Variants in RUVBL1 observed in about 807,000 individuals in gnomAD.
RUVBL1 encodes the protein ruvB-like 1.
RUVBL1 carries 4 observed loss-of-function variants against 52.4 expected under a neutral mutation model. That is an observed-to-expected ratio of 0.08 (90% confidence interval 0.04 to 0.17). The LOEUF is 0.17. Ranked by LOEUF, RUVBL1 falls within the 10% of genes least tolerant of loss-of-function variation. The pLI is 1.00. For missense variants in RUVBL1, 298 were observed against 572.8 expected (o/e 0.52, Z 4.90); for synonymous variants, 217 against 214.4 (o/e 1.01, Z -0.10).
intron 1 of RUVBL1, among the ~76,000 whole-genome samples, chr3:128,135,540 GTAAA>G (rs1051600796): frequency 1.3e-5 from 2 of 152,042 alleles, no homozygotes; most frequent in Non-Finnish European, 2.9e-5. Context: ...CTCAAAATAA[GTAAA>G]TAAATAAATA....
intron 9 of RUVBL1, chr3:128,083,379 A>G (rs1219659551): frequency 2.0e-5 from 3 of 152,390 alleles, no homozygotes; most frequent in South Asian, 4.1e-4. Flanking sequence ...TAAAGCCATA[A>G]AAGCACACCC....
intron 3 of RUVBL1, among the ~76,000 whole-genome samples, chr3:128,105,865 C>CTTTTTTTTTTTTTTT (rs11311563): frequency 1.1e-5 from 1 of 88,912 alleles, no homozygotes; most frequent in Non-Finnish European, 2.2e-5. Context: ...TTCCCTTTTT[C>CTTTTTTTTTTTTTTT]TTTTTTTTTT....
intron 1 of RUVBL1, among the ~76,000 whole-genome samples, chr3:128,136,109 C>T (rs766917314): frequency 2.0e-5 from 3 of 149,710 alleles, no homozygotes; most frequent in Non-Finnish European, 4.4e-5. Flanking sequence ...AAACCTACAA[C>T]GCATGCACAA....
chr3:128,071,301 G>A (rs1319305085), intron 9 of RUVBL1: 1 of 152,506 alleles, frequency 6.6e-6, no homozygotes, highest in East Asian at 1.9e-4. Context: ...GTCCTGAGCA[G>A]GGGAGAGGCT....
At chr3:128,117,354 T>C (rs1943550380) in intron 2 of RUVBL1, among the ~76,000 whole-genome samples, 1 of 152,224 alleles carries the variant, frequency 6.6e-6, no homozygotes, top group Admixed American at 6.5e-5. Flanking sequence ...AGATAATTCC[T>C]TATTATGGAA....
chr3:128,130,366 T>G (rs1456567392), intron 1 of RUVBL1, among the ~76,000 whole-genome samples: 2 of 151,948 alleles, frequency 1.3e-5, no homozygotes, highest in African/African-American at 2.4e-5. Flanking sequence ...AAATCTTAAC[T>G]GTAATCAAGT....
At chr3:128,150,918 T>TA (rs1302526634) in intron 1 of RUVBL1, among the ~76,000 whole-genome samples, 5 of 83,412 alleles carry the variant, frequency 6.0e-5, no homozygotes, top group African/African-American at 2.4e-4. Flanking sequence ...ATATTCTATA[T>TA]TATATATATA....
chr3:128,144,018 G>A (rs1460492431), intron 1 of RUVBL1, among the ~76,000 whole-genome samples: 3 of 152,318 alleles, frequency 2.0e-5, no homozygotes, highest in Admixed American at 6.5e-5. Context: ...TTGAACCCGC[G>A]TGGAGGAGTT....
At chr3:128,153,123 G>C (rs903127346) in intron 1 of RUVBL1, 9 of 696,512 alleles carry the variant, frequency 1.3e-5, no homozygotes, top group Non-Finnish European at 1.5e-5. Flanking sequence ...GCACTGATTG[G>C]TGCGTTTTAC....
intron 1 of RUVBL1, among the ~76,000 whole-genome samples, chr3:128,151,121 T>C (rs1219991454): frequency 8.1e-6 from 1 of 123,186 alleles, no homozygotes; most frequent in East Asian, 2.1e-4. Context: ...GTATATATTC[T>C]ATATATATTC....
intron 2 of RUVBL1, among the ~76,000 whole-genome samples, chr3:128,113,406 C>A (rs1275984289): frequency 2.0e-5 from 3 of 152,288 alleles, no homozygotes; most frequent in South Asian, 4.1e-4. Context: ...CAGATTTAAT[C>A]TCTGGCAGCA....
At chr3:128,071,657 C>CAAAT (rs1264010064) in intron 9 of RUVBL1, 1 of 152,688 alleles carries the variant, frequency 6.5e-6, no homozygotes, top group Non-Finnish European at 1.5e-5. Flanking sequence ...GAATAAGTGA[C>CAAAT]AAATAAAGCC....
chr3:128,139,431 T>C (rs577346249), intron 1 of RUVBL1, among the ~76,000 whole-genome samples: 21 of 152,238 alleles, frequency 1.4e-4, no homozygotes, highest in African/African-American at 4.8e-4. Context: ...AAATGGCAAG[T>C]AGGCATATGA....
chr3:128,134,745 G>C (rs972166361), intron 1 of RUVBL1, among the ~76,000 whole-genome samples: 24 of 148,844 alleles, frequency 1.6e-4, no homozygotes, highest in Non-Finnish European at 2.8e-4. Flanking sequence ...AGGCAGCAGT[G>C]AGCTGTGATT....
chr3:128,113,051 A>ATGT, intron 2 of RUVBL1, 31 bp from the exon 3 acceptor site: 3 of 1,610,440 alleles, frequency 1.9e-6, no homozygotes, highest in Non-Finnish European at 2.5e-6. Context: ...AACACAGTTC[A>ATGT]CAGTCCTGAA....
At chr3:128,069,819 A>G (rs1010074310) in intron 9 of RUVBL1, 12 of 725,236 alleles carry the variant, frequency 1.7e-5, no homozygotes, top group Non-Finnish European at 2.6e-5. Context: ...ACATTTTCCA[A>G]TTTAAAATTT....
At chr3:128,079,578 A>T (rs1474420621), downstream of RUVBL1, among the ~76,000 whole-genome samples, 3 of 152,182 alleles carry the variant, frequency 2.0e-5, no homozygotes, top group Admixed American at 2.0e-4. Context: ...AGACAAGCGC[A>T]GCCTCAGAGG....
chr3:128,071,233 G>C (rs1253183853), intron 9 of RUVBL1: 1 of 152,928 alleles, frequency 6.5e-6, no homozygotes, highest in Non-Finnish European at 1.5e-5. Flanking sequence ...TGGGCCCCAG[G>C]CTCCTCCATA....
At chr3:128,074,982 ACTGG>A (rs1445688514) in intron 9 of RUVBL1, 2 of 152,128 alleles carry the variant, frequency 1.3e-5, no homozygotes, top group Non-Finnish European at 2.9e-5. Context: ...GACAAGACTG[ACTGG>A]CAGGCAGACA....
Sources: gnomAD v4.1 joint callset for allele counts (sites outside exome capture counted in the v4.1 genomes callset) on GRCh38, gnomAD v4.1.1 for gene constraint, MANE v1.5 for transcripts, NCBI Gene and HGNC (gene_info 2026-07-23, HGNC 2026-07-21) for gene names.